MEGF10: variants seen among roughly 807,000 people sequenced by gnomAD.
The protein encoded by MEGF10 is multiple epidermal growth factor-like domains protein 10.
MEGF10 carries 86 observed loss-of-function variants against 147.5 expected under a neutral mutation model. That is an observed-to-expected ratio of 0.58 (90% CI 0.49 to 0.70). The LOEUF (loss-of-function observed/expected upper bound fraction) is 0.70, where lower values mean the gene tolerates loss of function less well. MEGF10 is among the 30% of genes least tolerant of loss of function. The pLI is 0.00. For synonymous variants in MEGF10, 478 were observed against 525.5 expected (o/e 0.91, Z 1.24); for missense variants, 1,329 against 1,487.3 (o/e 0.89, Z 1.75).
chr5:127,316,322 C>A (rs1377045871), intron 1 of MEGF10, among the ~76,000 whole-genome samples: 1 of 152,118 alleles, frequency 6.6e-6, no homozygotes, highest in Admixed American at 6.6e-5. Flanking sequence ...CATGTTTGAG[C>A]AGGTCCAATT....
At chr5:127,346,439 T>C (rs1761897584) in intron 4 of MEGF10, among the ~76,000 whole-genome samples, 1 of 152,222 alleles carries the variant, frequency 6.6e-6, no homozygotes, top group Non-Finnish European at 1.5e-5. Context: ...GGTTTTGATT[T>C]GCATTTCCCT....
intron 9 of MEGF10, among the ~76,000 whole-genome samples, chr5:127,416,913 A>G (rs1231330023): frequency 6.6e-6 from 1 of 152,214 alleles, no homozygotes; most frequent in African/African-American, 2.4e-5. Flanking sequence ...GATATGACAC[A>G]GGTGTTTGTT....
At chr5:127,362,396 G>A (rs1762505996) in intron 4 of MEGF10, among the ~76,000 whole-genome samples, 1 of 146,946 alleles carries the variant, frequency 6.8e-6, no homozygotes, top group Non-Finnish European at 1.5e-5. Flanking sequence ...TTGAGACGGA[G>A]TCTTGCTCTG....
chr5:127,243,173 G>T, the MEGF10 span, among the ~76,000 whole-genome samples: 1 of 152,244 alleles, frequency 6.6e-6, no homozygotes, highest in South Asian at 2.1e-4. Context: ...TGTGCTTCCA[G>T]AATAAGAGAG....
At chr5:127,410,700 A>C in intron 9 of MEGF10, 99 bp downstream of exon 9, 3 of 1,121,722 alleles carry the variant, frequency 2.7e-6, no homozygotes, top group African/African-American at 1.5e-5. Context: ...TTCTCACCCC[A>C]AGCCCCCTCC....
At chr5:127,246,358 A>G in the MEGF10 span, among the ~76,000 whole-genome samples, 2 of 152,178 alleles carry the variant, frequency 1.3e-5, no homozygotes, top group Non-Finnish European at 2.9e-5. Context: ...ACAGAAACAG[A>G]GAACCAAACA....
chr5:127,414,886 G>A (rs1364524666), intron 9 of MEGF10, among the ~76,000 whole-genome samples: 1 of 152,176 alleles, frequency 6.6e-6, no homozygotes, highest in African/African-American at 2.4e-5. Flanking sequence ...ATGGGAAGAA[G>A]GATCAGGGTG....
chr5:127,340,638 A>G lies in MEGF10; in HGVS notation c.319+8A>G. ...GCGGGGAAATGTGTGTCCGTAAGTAAGACTGTCACCCCTTTGAGATTCGCT... is the reference window on the plus strand; with the variant it reads ...GCGGGGAAATGTGTGTCCGTAAGTAGGACTGTCACCCCTTTGAGATTCGCT... On this transcript the variant is annotated splice_region_variant and intron_variant, in intron 4 of 24. Coordinates refer to ENST00000503335, the MANE Select transcript of MEGF10 (RefSeq NM_001256545.2). The G allele has an allele frequency of 6.2e-7, 1 of 1,608,244 alleles. No individual in the cohort carries two copies. Among genetic ancestry groups the G allele is most frequent in the Non-Finnish European group, 8.5e-7 (1 of 1,175,078 alleles).
At chr5:127,413,930 T>C (rs1046124369) in intron 9 of MEGF10, among the ~76,000 whole-genome samples, 3 of 152,240 alleles carry the variant, frequency 2.0e-5, no homozygotes, top group Non-Finnish European at 2.9e-5. Flanking sequence ...GTCTATTTTC[T>C]TTAACATTAT....
intron 2 of MEGF10, among the ~76,000 whole-genome samples, chr5:127,332,066 G>A (rs1382350602): frequency 6.6e-6 from 1 of 151,748 alleles, no homozygotes; most frequent in African/African-American, 2.4e-5. Flanking sequence ...TATTGGAGGA[G>A]GGTGTGGTTA....
At chr5:127,345,091 A>G (rs563789099) in intron 4 of MEGF10, among the ~76,000 whole-genome samples, 1 of 152,326 alleles carries the variant, frequency 6.6e-6, no homozygotes, top group South Asian at 2.1e-4. Flanking sequence ...TTCACATGGA[A>G]ACTGTCCCAG....
At position 127,457,201 on chromosome 5, in the gene MEGF10, A is replaced by G. The variant is rs755365362; in HGVS notation, c.3306A>G (p.Pro1102=). Residue 1102 remains proline (P), a synonymous_variant, in exon 25 of 25, where the codon CCA becomes CCG. Transcript: ENST00000503335. ...TCTCCCAGGATCCATATGACCTCCC[A>G]AAGAACAGTCACATCCCTTGTCATT... ...GRLSQDPYDL[P]KNSHIPCHYD... The G allele has an allele frequency of 9.9e-6, 16 of 1,614,016 alleles. No individual in the cohort carries two copies.
intron 1 of MEGF10, among the ~76,000 whole-genome samples, chr5:127,325,827 G>GTA (rs10550881): frequency 9.2e-4 from 122 of 133,234 alleles, no homozygotes; most frequent in East Asian, 3.5e-3. Context: ...AGATTTGAGA[G>GTA]TATATATATA....
In MEGF10 at chr5:127,296,948, C is replaced by T. The variant is rs1011775680; in HGVS notation, c.-19+5892C>T. On this transcript the variant is annotated intron_variant, in intron 1 of 24. Coordinates refer to ENST00000503335, the MANE Select transcript of MEGF10 (RefSeq NM_001256545.2). The stretch of plus-strand genomic sequence containing the variant: ...TAGGTTGGAGAGTTACTTTTTGTTC[C>T]ACCAGTTTTTTTTGTTTTGTTTTGT... Among the ~76,000 whole-genome samples the T allele has an allele frequency of 2.6e-5, 4 of 151,914 alleles. No individual in the cohort carries two copies. The East Asian group carries it at 5.8e-4, about 22-fold the overall frequency.
At chr5:127,334,102 A>G (rs1761375162) in intron 2 of MEGF10, among the ~76,000 whole-genome samples, 1 of 152,176 alleles carries the variant, frequency 6.6e-6, no homozygotes, top group African/African-American at 2.4e-5. Context: ...ACCAGTATAG[A>G]AGATAAATTA....
intron 1 of MEGF10, among the ~76,000 whole-genome samples, chr5:127,329,053 C>G (rs1445027847): frequency 6.6e-6 from 1 of 152,152 alleles, no homozygotes; most frequent in Non-Finnish European, 1.5e-5. Context: ...CTGTGTCTGG[C>G]ACACAGTAAT....
At chr5:127,394,120 T>G (rs1763814361) in intron 5 of MEGF10, among the ~76,000 whole-genome samples, 1 of 152,214 alleles carries the variant, frequency 6.6e-6, no homozygotes, top group Non-Finnish European at 1.5e-5. Flanking sequence ...ATCAAAGTAA[T>G]TTTTATTAGG....
In MEGF10 at chr5:127,331,286, T is replaced by C. The variant is rs1162844266; in HGVS notation, c.-18-5T>C. On this transcript the variant is annotated splice_region_variant and splice_polypyrimidine_tract_variant and intron_variant, in intron 1 of 24. Transcript: ENST00000503335. ...TTTCTAATTGGGATTTTTTCTTTCT[T>C]GTAGGTTGTTCTTCAGAAAAAAATG... is the stretch of plus-strand genomic sequence containing the variant. 2 of 1,450,108 alleles carry C rather than the reference T, an allele frequency of 1.4e-6. No homozygotes were observed. Among genetic ancestry groups the C allele is most frequent in the Non-Finnish European group, 1.9e-6 (2 of 1,034,046 alleles). 89.8% of individuals were successfully genotyped at this position (1,450,108 alleles called of 1,614,324 possible).
rs189889369 is a variant in MEGF10 at position 127,299,628 on chromosome 5, C to A, written c.-19+8572C>A. ...GATTGTTCTTTTAGCCTGATTACTC[C>A]CTTTATGAAAAAGTATGTCATTCAT... On this transcript the variant is annotated intron_variant, in intron 1 of 24. Coordinates refer to ENST00000503335, the MANE Select transcript of MEGF10 (RefSeq NM_001256545.2). Among the ~76,000 whole-genome samples the A allele has an allele frequency of 1.3e-3, 194 of 152,218 alleles. 1 individual carries two copies. The highest frequency in any genetic ancestry group is 6.0e-3 in the South Asian group (29 of 4,820).
Sources: allele counts gnomAD v4.1 joint callset (sites outside exome capture counted in the v4.1 genomes callset), GRCh38; gene constraint gnomAD v4.1.1; transcripts MANE v1.5; gene names NCBI Gene and HGNC (gene_info 2026-07-23, HGNC 2026-07-21).